The following SPATA6L variants were observed in gnomAD, a reference collection of about 807,000 sequenced individuals.
SPATA6L encodes spermatogenesis associated 6-like protein.
In SPATA6L, 68 loss-of-function variants were observed where a neutral mutation model predicts 49.2. That is an observed-to-expected ratio of 1.38 (90% confidence interval 1.14 to 1.69). The LOEUF is 1.69. Among genes scored for constraint, SPATA6L ranks in the 40% most tolerant of loss-of-function variants. SPATA6L has a pLI of 0.00. For missense variants in SPATA6L, 668 were observed against 464.3 expected (o/e 1.44, Z -4.03); for synonymous variants, 198 against 165.7 (o/e 1.19, Z -1.50).
In SPATA6L at chr9:4,662,564, C is replaced by T. The variant is rs747926946; in HGVS notation, c.40-528G>A. On this transcript the variant is annotated intron_variant, in intron 1 of 11. Coordinates refer to ENST00000682582, the MANE Select transcript of SPATA6L (RefSeq NM_001353486.2). This position sits in a 1 kb window ranked among gnomAD's most constrained non-coding sequence, Gnocchi z 4.9. ...GCGCCCGGCTCCGTGCATCGGAGAG[C>T]CCAGTTCACCGCCGCGGCTCCTTCC... is the stretch of plus-strand genomic sequence containing the variant. 1.3e-6 allele frequency: 2 copies of T among 1,585,266 alleles called. No homozygotes were observed. Among genetic ancestry groups the T allele is most frequent in the Admixed American group, 1.7e-5 (1 of 58,246 alleles).
At position 4,662,191 on chromosome 9, in the gene SPATA6L, C is replaced by G; in HGVS notation, c.40-155G>C. The G allele has an allele frequency of 6.9e-7, 1 of 1,440,130 alleles. No homozygotes were observed. Among genetic ancestry groups the G allele is most frequent in the Non-Finnish European group, 9.1e-7 (1 of 1,101,122 alleles). 89.2% of individuals were successfully genotyped at this position (1,440,130 alleles called of 1,614,324 possible). A position where few individuals can be genotyped will look rare whatever the true frequency, so the allele number is the denominator to read the frequency against. ...GTACCTCCCAACGCCAACATCCTCC[C>G]CTCTGCTCTCCTCACATTGGAAATT... On this transcript the variant is annotated intron_variant, in intron 1 of 11. Transcript: ENST00000682582. The surrounding 1 kb of genome is among the most constrained non-coding windows in gnomAD (Gnocchi z 4.9).
At chr9:4,657,594 G>C (rs541181332) in intron 2 of SPATA6L, among the ~76,000 whole-genome samples, 19 of 152,144 alleles carry the variant, frequency 1.2e-4, no homozygotes, top group African/African-American at 4.3e-4. Flanking sequence ...AAATTTATTT[G>C]AGCAAGGAGC....
chr9:4,657,318 C>G (rs1471574091), intron 2 of SPATA6L, among the ~76,000 whole-genome samples: 2 of 152,126 alleles, frequency 1.3e-5, no homozygotes, highest in East Asian at 3.9e-4. Flanking sequence ...TTTAACAATC[C>G]TTTCATTTTA....
At chr9:4,625,595 T>C in intron 5 of SPATA6L, 29 bp from the exon 6 acceptor site, 1 of 1,423,560 alleles carries the variant, frequency 7.0e-7, no homozygotes, top group Non-Finnish European at 9.4e-7. Context: ...GAATATTTTT[T>C]AAAATAAAGA....
chr9:4,618,917 G>C lies in SPATA6L; in HGVS notation c.773-19C>G. ...GAAGAAGCTAGAAGAAAGAGGAACA[G>C]GCATTTCAATGACTCATTATTACCA... On this transcript the variant is annotated intron_variant, in intron 7 of 11. Coordinates refer to ENST00000682582, the MANE Select transcript of SPATA6L (RefSeq NM_001353486.2). The C allele has an allele frequency of 1.2e-6, 2 of 1,612,228 alleles. No homozygotes were observed. Among genetic ancestry groups the C allele is most frequent in the African/African-American group, 1.3e-5 (1 of 74,962 alleles).
chr9:4,647,327 C>G (rs542510140), intron 3 of SPATA6L, among the ~76,000 whole-genome samples: 1 of 152,154 alleles, frequency 6.6e-6, no homozygotes, highest in African/African-American at 2.4e-5. Context: ...CACAGTGGCT[C>G]GTGCCTGTAA....
At chr9:4,630,896 G>A (rs1831391682) in intron 4 of SPATA6L, among the ~76,000 whole-genome samples, 1 of 152,194 alleles carries the variant, frequency 6.6e-6, no homozygotes, top group Non-Finnish European at 1.5e-5. Flanking sequence ...AAGGCACAAA[G>A]AGATTAACCT....
At chr9:4,627,549 A>G in intron 5 of SPATA6L, 1 of 362,400 alleles carries the variant, frequency 2.8e-6, no homozygotes, top group Non-Finnish European at 5.2e-6. Flanking sequence ...ACCCTGTCCC[A>G]AAGTATTTGG....
At chr9:4,615,652 C>T (rs1012750623) in intron 9 of SPATA6L, among the ~76,000 whole-genome samples, 28 of 152,202 alleles carry the variant, frequency 1.8e-4, no homozygotes, top group African/African-American at 6.5e-4. Flanking sequence ...TTGGATTGTA[C>T]TTCTGTTAGG....
intron 1 of SPATA6L, chr9:4,664,133 C>CT (rs1222683837): frequency 6.0e-6 from 1 of 167,084 alleles, no homozygotes; most frequent in Non-Finnish European, 1.5e-5. Context: ...GGCAGAGAAA[C>CT]TAAGTTGCTG....
downstream of SPATA6L, among the ~76,000 whole-genome samples, chr9:4,593,951 C>G (rs192487321): frequency 6.6e-6 from 1 of 152,170 alleles, no homozygotes; most frequent in Non-Finnish European, 1.5e-5. Flanking sequence ...CCTCTCTCCA[C>G]CAGATACTCC....
downstream of SPATA6L, among the ~76,000 whole-genome samples, chr9:4,595,747 G>A (rs1277399335): frequency 2.0e-5 from 3 of 152,084 alleles, no homozygotes; most frequent in Non-Finnish European, 4.4e-5. Flanking sequence ...CAGTATCTTG[G>A]TACATAATCA....
chr9:4,624,770 A>C (rs963590724), intron 6 of SPATA6L, among the ~76,000 whole-genome samples: 1 of 151,912 alleles, frequency 6.6e-6, no homozygotes, highest in African/African-American at 2.4e-5. Context: ...TAAGAGAACT[A>C]GTGTGACTAA....
rs75094178 is a variant in SPATA6L at position 4,655,094 on chromosome 9, A to G, written c.226+947T>C. Among the ~76,000 whole-genome samples, 846 of 152,336 alleles carry G rather than the reference A, an allele frequency of 5.6e-3. 8 individuals are homozygous for G. The highest frequency in any genetic ancestry group is 0.019 in the African/African-American group (795 of 41,572). On this transcript the variant is annotated intron_variant, in intron 3 of 11. Transcript: ENST00000682582. ...ATGTTCACACAAAAACTTATACACA[A>G]ATATTCACAGCATCATTATTCATCA...
chr9:4,601,623 C>G (rs907444439), intron 11 of SPATA6L, among the ~76,000 whole-genome samples: 4 of 152,184 alleles, frequency 2.6e-5, no homozygotes, highest in African/African-American at 9.7e-5. Context: ...TTTCATCTCC[C>G]TGAGATCTCG....
intron 11 of SPATA6L, among the ~76,000 whole-genome samples, chr9:4,603,658 C>T (rs975201803): frequency 9.2e-5 from 14 of 152,012 alleles, no homozygotes; most frequent in African/African-American, 3.4e-4. Flanking sequence ...AGGTTTCACT[C>T]CAGTAGAAGA....
At chr9:4,627,926 C>T (rs1033721544) in intron 5 of SPATA6L, 2 of 707,816 alleles carry the variant, frequency 2.8e-6, no homozygotes, top group African/African-American at 1.9e-5. Flanking sequence ...TGCTATTCAG[C>T]CATTATTTTT....
intron 2 of SPATA6L, among the ~76,000 whole-genome samples, chr9:4,659,969 C>T (rs1200992928): frequency 6.6e-6 from 1 of 152,164 alleles, no homozygotes; most frequent in East Asian, 1.9e-4. Flanking sequence ...GGAAAACTGG[C>T]TAACCATATG....
chr9:4,626,855 T>A, intron 5 of SPATA6L: 2 of 196,886 alleles, frequency 1.0e-5, no homozygotes, highest in African/African-American at 2.3e-5. Context: ...TTATCATAAA[T>A]TAAGTAAAAA....
Sources: gnomAD v4.1 joint callset for allele counts (sites outside exome capture counted in the v4.1 genomes callset) on GRCh38, gnomAD v4.1.1 for gene constraint, Gnocchi (gnomAD v3.1) non-coding constraint, MANE v1.5 for transcripts, NCBI Gene and HGNC (gene_info 2026-07-23, HGNC 2026-07-21) for gene names.